PAX5: variants seen among roughly 807,000 people sequenced by gnomAD.
PAX5 encodes the protein paired box 5, also known as paired box protein Pax-5.
PAX5 carries 9 observed loss-of-function variants against 43.7 expected under a neutral mutation model. The observed-to-expected ratio is 0.21, with a 90% CI of 0.12 to 0.36. The LOEUF is 0.36. Ranked by LOEUF, PAX5 falls within the 10% of genes least tolerant of loss-of-function variation. The pLI is 1.00. For missense variants in PAX5, 383 were observed against 532.7 expected (o/e 0.72, Z 2.77); for synonymous variants, 228 against 214.3 (o/e 1.06, Z -0.56).
intron 1 of PAX5, among the ~76,000 whole-genome samples, chr9:37,028,483 C>A (rs938002625): frequency 5.3e-5 from 8 of 152,198 alleles, no homozygotes; most frequent in African/African-American, 1.9e-4. Flanking sequence ...AAGTTAGTAA[C>A]TGGGGCGCAC....
intron 6 of PAX5, among the ~76,000 whole-genome samples, chr9:36,958,318 T>C (rs1263338806): frequency 2.0e-5 from 3 of 150,790 alleles, no homozygotes; most frequent in Non-Finnish European, 4.4e-5. Flanking sequence ...ATGGCTTCCA[T>C]TGAGGAACTG....
chr9:37,016,406 A>G (rs1258202616), intron 2 of PAX5, among the ~76,000 whole-genome samples: 6 of 152,244 alleles, frequency 3.9e-5, no homozygotes, highest in African/African-American at 1.4e-4. Flanking sequence ...ACCACAAGTC[A>G]CGGCAACTCT....
At chr9:36,953,433 C>T (rs898198487) in intron 6 of PAX5, among the ~76,000 whole-genome samples, 4 of 152,184 alleles carry the variant, frequency 2.6e-5, no homozygotes, top group Non-Finnish European at 5.9e-5. Flanking sequence ...ATTCTCTCTT[C>T]TCCTTCCGGC....
chr9:37,033,299 T>C (rs1841170549), intron 1 of PAX5, among the ~76,000 whole-genome samples: 1 of 152,220 alleles, frequency 6.6e-6, no homozygotes, highest in Non-Finnish European at 1.5e-5. Context: ...CGGATCTCCA[T>C]AGGCCCCAGA....
rs3013738 is a variant in PAX5 at position 37,027,586 on chromosome 9, C to G, written c.46+6400G>C. Among the ~76,000 whole-genome samples the G allele has an allele frequency of 5.1e-3, 774 of 152,340 alleles. 5 individuals are homozygous for G. The highest frequency in any genetic ancestry group is 0.018 in the African/African-American group (740 of 41,562). ...GCCGGGGCTGAGATGGAGCCGCAGT[C>G]GGCTCTGACTGCCTGCGTTGCCGCC... On this transcript the variant is annotated intron_variant, in intron 1 of 9. Transcript: ENST00000358127.
At chr9:36,904,763 T>C (rs1423617951) in intron 7 of PAX5, among the ~76,000 whole-genome samples, 4 of 152,208 alleles carry the variant, frequency 2.6e-5, no homozygotes, top group Non-Finnish European at 4.4e-5. Context: ...GACAATGACC[T>C]AGAAGGGTGG....
chr9:36,911,012 C>T (rs1327824267), intron 7 of PAX5, among the ~76,000 whole-genome samples: 1 of 152,092 alleles, frequency 6.6e-6, no homozygotes, highest in Admixed American at 6.5e-5. Flanking sequence ...TTTCCCCGAG[C>T]TCCCCACAAA....
At chr9:36,995,170 G>C (rs944071) in intron 5 of PAX5, among the ~76,000 whole-genome samples, 151,758 of 152,348 alleles carry the variant, frequency 1, 75,587 homozygotes, top group East Asian at 1. Flanking sequence ...AGATGGAGAG[G>C]CTGCCTGTTC....
At position 37,022,587 on chromosome 9, in the gene PAX5, G is replaced by T. The variant is rs550038259; in HGVS notation, c.47-1786C>A. ...CAGGTATTATGGTCCATCTGCAATA[G>T]CCTGTTCTCTATGTCACTGACAATT... On this transcript the variant is annotated intron_variant, in intron 1 of 9. Coordinates refer to ENST00000358127, the MANE Select transcript of PAX5 (RefSeq NM_016734.3). Among the ~76,000 whole-genome samples, 3 of 152,334 alleles carry T rather than the reference G, an allele frequency of 2.0e-5. No individual in the cohort carries two copies. The East Asian group carries it at 5.8e-4, about 29-fold the overall frequency.
intron 6 of PAX5, among the ~76,000 whole-genome samples, chr9:36,960,331 A>T (rs1384231468): frequency 2.0e-5 from 3 of 152,188 alleles, no homozygotes; most frequent in Non-Finnish European, 4.4e-5. Flanking sequence ...ACACATGCAC[A>T]CGCCAGCCCT....
At chr9:36,988,032 A>T (rs1227179612) in intron 5 of PAX5, among the ~76,000 whole-genome samples, 1 of 152,140 alleles carries the variant, frequency 6.6e-6, no homozygotes, top group East Asian at 1.9e-4. Flanking sequence ...AAGATGAAGA[A>T]GGAGGGAGGG....
chr9:36,910,225 ACCCTT>A (rs1217477064), intron 7 of PAX5, among the ~76,000 whole-genome samples: 2 of 152,200 alleles, frequency 1.3e-5, no homozygotes, highest in Non-Finnish European at 2.9e-5. Flanking sequence ...AGTCCTGAGT[ACCCTT>A]CCAGAGTTTC....
intron 7 of PAX5, among the ~76,000 whole-genome samples, chr9:36,905,264 C>T (rs1307878795): frequency 2.0e-5 from 3 of 152,248 alleles, no homozygotes. Flanking sequence ...TCTCCATGAG[C>T]TCACAAGAAA....
At chr9:36,984,823 A>G (rs776734221) in intron 5 of PAX5, among the ~76,000 whole-genome samples, 4 of 152,166 alleles carry the variant, frequency 2.6e-5, no homozygotes, top group Non-Finnish European at 5.9e-5. Context: ...CGCCTATCAC[A>G]AAGTGAGTGC....
intron 3 of PAX5, among the ~76,000 whole-genome samples, chr9:37,011,795 G>C (rs756659740): frequency 4.6e-5 from 7 of 152,076 alleles, no homozygotes; most frequent in Non-Finnish European, 7.4e-5. Flanking sequence ...TATAAGAATA[G>C]CCACAAATCC....
At chr9:37,024,998 G>C (rs1840192847) in intron 1 of PAX5, among the ~76,000 whole-genome samples, 1 of 152,198 alleles carries the variant, frequency 6.6e-6, no homozygotes, top group East Asian at 1.9e-4. Context: ...TGCCCTAACT[G>C]GTTTGTTTTG....
intron 3 of PAX5, among the ~76,000 whole-genome samples, chr9:37,013,235 G>A (rs1839099829): frequency 6.6e-6 from 1 of 152,194 alleles, no homozygotes; most frequent in Admixed American, 6.5e-5. Flanking sequence ...CATTCGGCTG[G>A]AGCTAAGAAG....
intron 6 of PAX5, chr9:36,930,950 A>G (rs751926648): frequency 1.3e-6 from 1 of 775,620 alleles, no homozygotes; most frequent in South Asian, 1.4e-5. Flanking sequence ...CACCACTGCC[A>G]TAGCATGGAG....
At chr9:36,954,414 G>A (rs1406412730) in intron 6 of PAX5, among the ~76,000 whole-genome samples, 1 of 152,182 alleles carries the variant, frequency 6.6e-6, no homozygotes, top group African/African-American at 2.4e-5. Context: ...TGATTTAGCA[G>A]TTCAGCAAGA....
Sources: gnomAD v4.1 joint callset for allele counts (sites outside exome capture counted in the v4.1 genomes callset) on GRCh38, gnomAD v4.1.1 for gene constraint, MANE v1.5 for transcripts, NCBI Gene and HGNC (gene_info 2026-07-23, HGNC 2026-07-21) for gene names.